The following ALPK1 variants were observed in gnomAD, a reference collection of about 807,000 sequenced individuals.
The protein encoded by ALPK1 is alpha kinase 1, also known as alpha-protein kinase 1.
Under a neutral mutation model 120.6 loss-of-function variants are expected in ALPK1, and 110 were observed. The ratio of observed to expected loss-of-function variants is 0.91; its 90% confidence interval spans 0.78 to 1.07. ALPK1 has a LOEUF of 1.07. Among genes scored for constraint, ALPK1 ranks in the 50% least tolerant of loss-of-function variants. The pLI is 0.00. For missense variants in ALPK1, 1,498 were observed against 1,483.9 expected (o/e 1.01, Z -0.16); for synonymous variants, 582 against 560.3 (o/e 1.04, Z -0.55).
chr4:112,377,130 C>T (rs1158521930), intron 2 of ALPK1, among the ~76,000 whole-genome samples: 1 of 152,152 alleles, frequency 6.6e-6, no homozygotes, highest in Non-Finnish European at 1.5e-5. Flanking sequence ...TCTAGGATAT[C>T]AGTTCTCTAT....
chr4:112,395,280 T>G (rs1359961055), intron 4 of ALPK1, among the ~76,000 whole-genome samples: 1 of 152,162 alleles, frequency 6.6e-6, no homozygotes, highest in Non-Finnish European at 1.5e-5. Flanking sequence ...CTCCCACCCT[T>G]TCATCATGTG....
chr4:112,426,600 C>A, intron 8 of ALPK1, 57 bp downstream of exon 8: 2 of 1,333,438 alleles, frequency 1.5e-6, no homozygotes, highest in Non-Finnish European at 2.0e-6. Context: ...GGATGATTAT[C>A]TCTTCATGAC....
chr4:112,300,463 A>G (rs1157457627), intron 1 of ALPK1, among the ~76,000 whole-genome samples: 1 of 152,006 alleles, frequency 6.6e-6, no homozygotes, highest in Non-Finnish European at 1.5e-5. Flanking sequence ...AAATAAAACT[A>G]TGCAGCTTTG....
chr4:112,359,492 G>A (rs1283715196), intron 2 of ALPK1: 1 of 266,590 alleles, frequency 3.8e-6, no homozygotes, highest in Non-Finnish European at 7.4e-6. Context: ...GCACAGACCT[G>A]GCCAGCCAGC....
At chr4:112,378,902 G>A (rs764285186) in intron 3 of ALPK1, among the ~76,000 whole-genome samples, 1 of 152,106 alleles carries the variant, frequency 6.6e-6, no homozygotes, top group Non-Finnish European at 1.5e-5. Context: ...AATCCCCTAC[G>A]TCCAGTCATT....
At chr4:112,405,769 G>T (rs1578543230) in intron 4 of ALPK1, among the ~76,000 whole-genome samples, 1 of 152,214 alleles carries the variant, frequency 6.6e-6, no homozygotes, top group East Asian at 1.9e-4. Context: ...TAGAGACGGG[G>T]TTTCACTACG....
chr4:112,370,095 A>G (rs1222727603), intron 2 of ALPK1, among the ~76,000 whole-genome samples: 1 of 152,218 alleles, frequency 6.6e-6, no homozygotes, highest in Non-Finnish European at 1.5e-5. Context: ...GTCCAGTGAA[A>G]AAGACTCAAA....
chr4:112,351,484 AT>A (rs11303182), intron 2 of ALPK1, among the ~76,000 whole-genome samples: 51,122 of 148,946 alleles, frequency 0.34, 8,794 homozygotes, highest in East Asian at 0.53. Flanking sequence ...CTTTTTTTTC[AT>A]TTTTTTTTTA....
intron 2 of ALPK1, among the ~76,000 whole-genome samples, chr4:112,341,020 A>G (rs1020411749): frequency 6.6e-6 from 1 of 152,198 alleles, no homozygotes; most frequent in Non-Finnish European, 1.5e-5. Context: ...AGATCCCAGC[A>G]AACACATGGA....
At chr4:112,329,174 G>A (rs1419080481) in intron 2 of ALPK1, among the ~76,000 whole-genome samples, 2 of 152,102 alleles carry the variant, frequency 1.3e-5, no homozygotes. Context: ...CAAGAAGGCA[G>A]GAAGGAGGAA....
chr4:112,403,701 T>C (rs1733031329), intron 4 of ALPK1, among the ~76,000 whole-genome samples: 1 of 152,226 alleles, frequency 6.6e-6, no homozygotes, highest in South Asian at 2.1e-4. Context: ...CAGTGCTCAA[T>C]AGCTGACAGA....
chr4:112,400,214 G>A (rs188209797), intron 4 of ALPK1, among the ~76,000 whole-genome samples: 46 of 152,226 alleles, frequency 3.0e-4, no homozygotes, highest in Non-Finnish European at 4.9e-4. Context: ...AGAATTATCC[G>A]GGGGAAATTA....
chr4:112,348,211 A>T (rs959912945), intron 2 of ALPK1, among the ~76,000 whole-genome samples: 2 of 152,244 alleles, frequency 1.3e-5, no homozygotes, highest in African/African-American at 4.8e-5. Flanking sequence ...TTTCCAAATC[A>T]GCCTGGTGAA....
Position 112,430,936 on chromosome 4 carries a change from T to C in ALPK1, c.1389T>C (p.His463=). The change falls in exon 11 of 16, where the codon CAT becomes CAC. Residue 463 remains histidine (H), a synonymous_variant. Coordinates refer to ENST00000650871, the MANE Select transcript of ALPK1 (RefSeq NM_025144.4). ...TCCTTGACACCTATTCACAGCACCA[T>C]ACTTCGGTGTGTGAAGTATTTGAAA... The part of the protein sequence containing the change: ...QKILDTYSQH[H]TSVCEVFESD... The C allele has an allele frequency of 1.2e-6, 2 of 1,614,176 alleles. No homozygotes were observed. The highest frequency in any genetic ancestry group is 1.1e-5 in the South Asian group (1 of 91,086).
intron 2 of ALPK1, among the ~76,000 whole-genome samples, chr4:112,349,545 A>AACCCCCCCCCCC (rs1560647747): frequency 1.2e-5 from 1 of 82,434 alleles, no homozygotes; most frequent in African/African-American, 6.3e-5. Flanking sequence ...TACCGCCCCA[A>AACCCCCCCCCCC]CCCCTGCCCC....
At chr4:112,312,869 A>C (rs1042816026) in intron 1 of ALPK1, among the ~76,000 whole-genome samples, 1 of 152,214 alleles carries the variant, frequency 6.6e-6, no homozygotes, top group African/African-American at 2.4e-5. Context: ...ACAGCTGCCC[A>C]TGCACAAATT....
Position 112,342,518 on chromosome 4 carries a change from T to G in ALPK1, c.-101+26666T>G, listed in dbSNP as rs1020955303. 2.0e-5 allele frequency among the ~76,000 whole-genome samples: 3 copies of G among 152,206 alleles called. No homozygotes were observed. In the South Asian group the frequency reaches 6.2e-4, roughly 31 times the overall value. On this transcript the variant is annotated intron_variant, in intron 2 of 15. Coordinates refer to ENST00000650871, the MANE Select transcript of ALPK1 (RefSeq NM_025144.4). ...GCAAAGAATTTCAAAATCTTATATA[T>G]TAAAGAAAATATGTAATTTTAAAGC...
chr4:112,336,465 C>G (rs1729625627), intron 2 of ALPK1, among the ~76,000 whole-genome samples: 2 of 152,102 alleles, frequency 1.3e-5, no homozygotes, highest in Admixed American at 6.5e-5. Flanking sequence ...CCATTTGCCT[C>G]TTTTGTAAAT....
rs530922280 is a variant in ALPK1 at position 112,328,137 on chromosome 4, T to C, written c.-101+12285T>C. ...TTGTTTTGTTGATGACAGGACTTAG[T>C]AAAGTCGATACATTAATAAGTTCTC... On this transcript the variant is annotated intron_variant, in intron 2 of 15. Transcript: ENST00000650871. Among the ~76,000 whole-genome samples the C allele has an allele frequency of 2.6e-4, 39 of 152,380 alleles. No individual in the cohort carries two copies. In the South Asian group the frequency reaches 7.2e-3, roughly 28 times the overall value.
Sources: allele counts gnomAD v4.1 joint callset (sites outside exome capture counted in the v4.1 genomes callset), GRCh38; gene constraint gnomAD v4.1.1; transcripts MANE v1.5; gene names NCBI Gene and HGNC (gene_info 2026-07-23, HGNC 2026-07-21).